NBAS: variants seen among roughly 807,000 people sequenced by gnomAD.
NBAS encodes the protein NAG/BC035112 fusion.
A neutral mutation model predicts 302.5 loss-of-function variants in NBAS; 219 were observed. The observed-to-expected ratio is 0.72, with a 90% CI of 0.65 to 0.81. The LOEUF is 0.81. Ranked by LOEUF, NBAS falls within the 30% of genes least tolerant of loss-of-function variation. NBAS has a pLI of 0.00. For missense variants in NBAS, 2,932 were observed against 2,841.6 expected, an observed-to-expected ratio of 1.03 and a Z score of -0.72; for synonymous variants, 1,118 against 1,021.6, an observed-to-expected ratio of 1.09 and a Z score of -1.80.
chr2:15,438,904 T>C (rs953472831), intron 21 of NBAS, among the ~76,000 whole-genome samples: 7 of 152,138 alleles, frequency 4.6e-5, no homozygotes, highest in East Asian at 1.9e-4. Flanking sequence ...GGACCTCACA[T>C]AGGGCCAGGA....
intron 38 of NBAS, among the ~76,000 whole-genome samples, chr2:15,319,266 T>A (rs180944958): frequency 6.6e-6 from 1 of 152,310 alleles, no homozygotes; most frequent in East Asian, 1.9e-4. Flanking sequence ...GAGGGAACTT[T>A]ATAGCACTAA....
At chr2:14,803,131 C>G in the NBAS span, among the ~76,000 whole-genome samples, 1 of 152,152 alleles carries the variant, frequency 6.6e-6, no homozygotes, top group African/African-American at 2.4e-5. Flanking sequence ...AGCATTTAGT[C>G]TAGGAGTAAA....
chr2:15,488,753 TATC>T, intron 12 of NBAS, 138 bp downstream of exon 12: 5 of 1,075,304 alleles, frequency 4.6e-6, no homozygotes, highest in Non-Finnish European at 6.8e-6. Context: ...ACTGTACTGA[TATC>T]ATAATTTAAA....
chr2:15,331,263 T>C (rs1017644772), intron 35 of NBAS, among the ~76,000 whole-genome samples: 3 of 152,182 alleles, frequency 2.0e-5, no homozygotes, highest in African/African-American at 7.2e-5. Flanking sequence ...AGGTAATTAA[T>C]AGTGTTTGAT....
the NBAS span, among the ~76,000 whole-genome samples, chr2:14,965,194 T>C: frequency 6.6e-6 from 1 of 151,862 alleles, no homozygotes; most frequent in African/African-American, 2.4e-5. Context: ...ACAATGGAAA[T>C]TGATAAAATA....
At chr2:15,511,393 T>C (rs1242179130) in intron 9 of NBAS, 43 bp from the exon 10 acceptor site, 2 of 1,569,112 alleles carry the variant, frequency 1.3e-6, no homozygotes, top group Non-Finnish European at 1.8e-6. Context: ...ATTGCAAATA[T>C]AAATAAGAGC....
At chr2:15,285,520 C>T (rs963407496) in intron 42 of NBAS, among the ~76,000 whole-genome samples, 13 of 152,220 alleles carry the variant, frequency 8.5e-5, no homozygotes, top group South Asian at 6.2e-4. Flanking sequence ...CACTATTTCT[C>T]ATCTATGTGC....
chr2:15,397,253 C>T (rs1370642745), intron 26 of NBAS, among the ~76,000 whole-genome samples: 1 of 152,152 alleles, frequency 6.6e-6, no homozygotes, highest in Non-Finnish European at 1.5e-5. Context: ...ACTCTGTGTC[C>T]CAAACACTCT....
intron 28 of NBAS, among the ~76,000 whole-genome samples, chr2:15,386,727 T>A (rs149955491): frequency 5.9e-5 from 9 of 152,194 alleles, no homozygotes; most frequent in African/African-American, 2.2e-4. Flanking sequence ...GACTACTAGG[T>A]CAAAAAGTTG....
At position 15,366,638 on chromosome 2, in the gene NBAS, G is replaced by A. The variant is rs1052918240; in HGVS notation, c.3759C>T (p.Pro1253=). 1 of 1,614,100 alleles carries A rather than the reference G, an allele frequency of 6.2e-7. No individual in the cohort carries two copies. Among genetic ancestry groups the A allele is most frequent in the Non-Finnish European group, 8.5e-7 (1 of 1,179,992 alleles). ...SLIKECISQS[P]TCYKQSTKLL... Reference sequence around the variant, plus strand: ...GCTTGGTGGATTGTTTATAGCATGTGGGGGACTGGGAAATACACTCCTTGA... The same window carrying A: ...GCTTGGTGGATTGTTTATAGCATGTAGGGGACTGGGAAATACACTCCTTGA... Residue 1253 remains proline, a synonymous_variant, in exon 32 of 52, where the codon CCC becomes CCT. Coordinates refer to ENST00000281513, the MANE Select transcript of NBAS (RefSeq NM_015909.4).
intron 44 of NBAS, among the ~76,000 whole-genome samples, chr2:15,274,642 A>G (rs1669485018): frequency 6.6e-6 from 1 of 152,218 alleles, no homozygotes; most frequent in South Asian, 2.1e-4. Context: ...TTGCTGAGGG[A>G]TTGAGTGCAG....
At chr2:14,830,939 A>G in the NBAS span, among the ~76,000 whole-genome samples, 2 of 152,162 alleles carry the variant, frequency 1.3e-5, no homozygotes, top group Non-Finnish European at 2.9e-5. Flanking sequence ...CTGAGTTCAT[A>G]TCACTGAATG....
intron 5 of NBAS, among the ~76,000 whole-genome samples, chr2:15,552,609 T>C (rs1558433743): frequency 6.6e-6 from 1 of 152,276 alleles, no homozygotes; most frequent in East Asian, 1.9e-4. Context: ...ATAACTGATA[T>C]ACTGTTTAAA....
At chr2:14,923,743 A>G in the NBAS span, among the ~76,000 whole-genome samples, 6 of 152,252 alleles carry the variant, frequency 3.9e-5, no homozygotes, top group South Asian at 1.2e-3. Context: ...GAGGAGTGAG[A>G]AGTGATTTTT....
chr2:15,078,522 T>A, the NBAS span, among the ~76,000 whole-genome samples: 4 of 152,228 alleles, frequency 2.6e-5, no homozygotes, highest in Non-Finnish European at 5.9e-5. Context: ...CATTTGGCAC[T>A]CGCAAAGACT....
At chr2:15,496,617 G>C (rs1459707482) in intron 11 of NBAS, among the ~76,000 whole-genome samples, 1 of 151,788 alleles carries the variant, frequency 6.6e-6, no homozygotes, top group Admixed American at 6.6e-5. Context: ...GGGAGAAGGA[G>C]AGGCAAGGAA....
At chr2:15,454,569 CCTT>C (rs1440455449) in intron 21 of NBAS, among the ~76,000 whole-genome samples, 3 of 152,210 alleles carry the variant, frequency 2.0e-5, no homozygotes, top group Non-Finnish European at 4.4e-5. Flanking sequence ...ACAATTTCAT[CCTT>C]CTGCATGTTA....
chr2:15,126,976 T>C, the NBAS span, among the ~76,000 whole-genome samples: 1 of 152,204 alleles, frequency 6.6e-6, no homozygotes, highest in Non-Finnish European at 1.5e-5. Flanking sequence ...GAGGTTTGTC[T>C]AGCTCAGCAT....
the NBAS span, among the ~76,000 whole-genome samples, chr2:14,827,383 A>G: frequency 6.6e-6 from 1 of 152,224 alleles, no homozygotes. Flanking sequence ...GAGGAATGTA[A>G]CTGCATTTCA....
Sources: allele counts gnomAD v4.1 joint callset (sites outside exome capture counted in the v4.1 genomes callset), GRCh38; gene constraint gnomAD v4.1.1; transcripts MANE v1.5; gene names NCBI Gene and HGNC (gene_info 2026-07-23, HGNC 2026-07-21).